The following CENPP variants were observed in gnomAD, a reference collection of about 807,000 sequenced individuals.
CENPP encodes centromere protein P.
Under a neutral mutation model 35.6 loss-of-function variants are expected in CENPP, and 24 were observed. The observed-to-expected ratio is 0.67, with a 90% CI of 0.49 to 0.95. CENPP has a LOEUF of 0.95. Ranked by LOEUF, CENPP falls within the 40% of genes least tolerant of loss-of-function variation. The probability of loss-of-function intolerance (pLI) is 0.00; values close to 1 mark genes in which losing one functional copy is unlikely to be tolerated. For synonymous variants in CENPP, 120 were observed against 125.5 expected (o/e 0.96, Z 0.29); for missense variants, 332 against 345.3 (o/e 0.96, Z 0.31).
chr9:92,553,595 G>C (rs981860442), intron 5 of CENPP, among the ~76,000 whole-genome samples: 2 of 152,010 alleles, frequency 1.3e-5, no homozygotes, highest in Non-Finnish European at 2.9e-5. Context: ...GCAGTGTTTT[G>C]TAGTTTTCCT....
intron 5 of CENPP, among the ~76,000 whole-genome samples, chr9:92,454,865 A>G (rs1352305467): frequency 7.2e-5 from 11 of 152,198 alleles, no homozygotes; most frequent in African/African-American, 2.4e-4. Context: ...GGTGGTGAAC[A>G]TTTATTATTA....
At chr9:92,381,233 G>A (rs1022226314) in intron 5 of CENPP, among the ~76,000 whole-genome samples, 5 of 151,706 alleles carry the variant, frequency 3.3e-5, no homozygotes, top group Admixed American at 6.6e-5. Context: ...TTTTCACTTA[G>A]CATAATGTCC....
Position 92,613,138 on chromosome 9 carries a change from G to A in CENPP, c.856G>A (p.Glu286Lys). The change falls in exon 8 of 8, where the codon GAG becomes AAG. Residue 286 changes from glutamate to lysine, a missense_variant. Transcript: ENST00000375587. ...CCTGATAAAATCGCTTTGTGCAGAGGAGAACAACTAGTTCCAAAACAGTGA... is the reference window on the plus strand; with the variant it reads ...CCTGATAAAATCGCTTTGTGCAGAGAAGAACAACTAGTTCCAAAACAGTGA... ...ESLIKSLCAE[E>K]NN The A allele has an allele frequency of 6.2e-7, 1 of 1,614,200 alleles. No homozygotes were observed. The highest frequency in any genetic ancestry group is 8.5e-7 in the Non-Finnish European group (1 of 1,180,030).
chr9:92,533,328 AATATAT>A lies in CENPP; in HGVS notation c.565-77961_565-77956del, dbSNP rs202147064. On this transcript the variant is annotated intron_variant, in intron 5 of 7. Transcript: ENST00000375587. ...CAAAAAAAAAAAAAAAAAAAAAAAA[AATATAT>A]ATATATATATATATATATATATATG... Among the ~76,000 whole-genome samples the A allele has an allele frequency of 2.2e-3, 86 of 38,328 alleles. 2 individuals are homozygous for A. The highest frequency in any genetic ancestry group is 5.9e-3 in the African/African-American group (40 of 6,818). 25.1% of individuals were successfully genotyped at this position (38,328 alleles called of 152,430 possible). A position where few individuals can be genotyped will look rare whatever the true frequency, so the allele number is the denominator to read the frequency against.
At chr9:92,512,025 G>C in intron 5 of CENPP, 1 of 1,611,848 alleles carries the variant, frequency 6.2e-7, no homozygotes, top group Non-Finnish European at 8.5e-7. Flanking sequence ...AATGCTTTTG[G>C]ACCTATGCCT....
intron 5 of CENPP, among the ~76,000 whole-genome samples, chr9:92,429,326 G>A (rs1844045647): frequency 6.6e-6 from 1 of 152,038 alleles, no homozygotes; most frequent in South Asian, 2.1e-4. Flanking sequence ...GGCCTCATAT[G>A]GCCTATATGT....
At chr9:92,585,797 G>A (rs1216163335) in intron 5 of CENPP, among the ~76,000 whole-genome samples, 1 of 152,188 alleles carries the variant, frequency 6.6e-6, no homozygotes, top group African/African-American at 2.4e-5. Flanking sequence ...CAATATTATG[G>A]TGTTTTCACT....
At chr9:92,401,286 C>T in intron 5 of CENPP, 1 of 603,498 alleles carries the variant, frequency 1.7e-6, no homozygotes, top group Non-Finnish European at 2.9e-6. Context: ...CAATTAGTGG[C>T]ATTTCCTTTG....
intron 5 of CENPP, among the ~76,000 whole-genome samples, chr9:92,579,256 T>C (rs1317114469): frequency 2.0e-5 from 3 of 149,836 alleles, no homozygotes; most frequent in African/African-American, 7.4e-5. Context: ...CTTTGTTCTT[T>C]TGGCTTAGGA....
At chr9:92,389,270 C>A (rs1036798224) in intron 5 of CENPP, among the ~76,000 whole-genome samples, 1 of 152,094 alleles carries the variant, frequency 6.6e-6, no homozygotes, top group African/African-American at 2.4e-5. Context: ...TCTACCTAAA[C>A]CGAAGTAGAT....
At chr9:92,495,804 C>T in intron 5 of CENPP, 1 of 952,470 alleles carries the variant, frequency 1.0e-6, no homozygotes, top group Non-Finnish European at 1.2e-6. Flanking sequence ...CCCCAATATT[C>T]AGTTATATTT....
At chr9:92,583,497 A>T (rs974523788) in intron 5 of CENPP, among the ~76,000 whole-genome samples, 1 of 152,212 alleles carries the variant, frequency 6.6e-6, no homozygotes, top group Admixed American at 6.5e-5. Flanking sequence ...GCTTACAGGA[A>T]TCTTGTAGGT....
In CENPP at chr9:92,613,185, C is replaced by CA. The variant is rs764108042; in HGVS notation, c.*36_*37insA. On this transcript the variant is annotated 3_prime_UTR_variant, in exon 8 of 8. Coordinates refer to ENST00000375587, the MANE Select transcript of CENPP (RefSeq NM_001012267.3). The stretch of plus-strand genomic sequence containing the variant: ...GTGAACGTGGAGGATGAAGATGCTG[C>CA]GTGGAGGAACATGCAATTTTATTCA... The CA allele has an allele frequency of 1.9e-6, 3 of 1,612,482 alleles. No individual in the cohort carries two copies. Among genetic ancestry groups the CA allele is most frequent in the Non-Finnish European group, 8.5e-7 (1 of 1,178,748 alleles).
chr9:92,379,891 T>A, intron 5 of CENPP, 32 bp downstream of exon 5: 1 of 1,323,576 alleles, frequency 7.6e-7, no homozygotes, highest in Non-Finnish European at 1.1e-6. Context: ...TTTAAACATA[T>A]ATGGAAAACA....
intron 5 of CENPP, among the ~76,000 whole-genome samples, chr9:92,571,735 A>T (rs932122833): frequency 1.3e-5 from 2 of 152,102 alleles, no homozygotes; most frequent in African/African-American, 4.8e-5. Context: ...GTAGGTCTCT[A>T]AGGGCTTGCT....
chr9:92,530,618 CA>C (rs1848688571), intron 5 of CENPP, among the ~76,000 whole-genome samples: 1 of 152,146 alleles, frequency 6.6e-6, no homozygotes, highest in Admixed American at 6.6e-5. Flanking sequence ...GTGCATTTAT[CA>C]TTAGGTGGAT....
intron 5 of CENPP, chr9:92,501,168 G>C: frequency 9.7e-7 from 1 of 1,032,092 alleles, no homozygotes; most frequent in Non-Finnish European, 1.4e-6. Context: ...CACCCAGTTT[G>C]TAGTGATGAT....
rs34701393 is a variant in CENPP, at chr9:92,555,214, A to ATTT, written c.565-56071_565-56069dup. ...TCTGGTCTTGGACTTTTTTTTGGAA[A>ATTT]TTTTTTTTTTTTTTTTTTTTTTTTT... On this transcript the variant is annotated intron_variant, in intron 5 of 7. Coordinates refer to ENST00000375587, the MANE Select transcript of CENPP (RefSeq NM_001012267.3). Among the ~76,000 whole-genome samples the ATTT allele has an allele frequency of 6.7e-3, 422 of 63,446 alleles. 24 individuals carry two copies. The highest frequency in any genetic ancestry group is 0.015 in the East Asian group (25 of 1,634). 41.6% of individuals were successfully genotyped at this position (63,446 alleles called of 152,430 possible). A position where few individuals can be genotyped will look rare whatever the true frequency, so the allele number is the denominator to read the frequency against.
intron 5 of CENPP, among the ~76,000 whole-genome samples, chr9:92,491,903 C>A (rs72754420): frequency 0.031 from 4,729 of 152,170 alleles, 113 homozygotes; most frequent in South Asian, 0.083. Flanking sequence ...TGGTCTAATT[C>A]CTGGCCTGAG....
Sources: gnomAD v4.1 joint callset for allele counts (sites outside exome capture counted in the v4.1 genomes callset) on GRCh38, gnomAD v4.1.1 for gene constraint, MANE v1.5 for transcripts, NCBI Gene and HGNC (gene_info 2026-07-23, HGNC 2026-07-21) for gene names.